MAML2: variants seen among roughly 807,000 people sequenced by gnomAD.
MAML2 encodes the protein mastermind like transcriptional coactivator 2, also known as mastermind-like protein 2.
Under a neutral mutation model 96.1 loss-of-function variants are expected in MAML2, and 22 were observed. The ratio of observed to expected loss-of-function variants is 0.23; its 90% CI spans 0.16 to 0.33. MAML2 has a LOEUF of 0.33. Among genes scored for constraint, MAML2 ranks in the 10% least tolerant of loss-of-function variants. The probability of loss-of-function intolerance (pLI) is 1.00; values close to 1 mark genes in which losing one functional copy is unlikely to be tolerated. For synonymous variants in MAML2, 561 were observed against 521.3 expected, an observed-to-expected ratio of 1.08 and a Z score of -1.04; for missense variants, 1,367 against 1,392.4, an observed-to-expected ratio of 0.98 and a Z score of 0.29.
chr11:96,092,386 T>C lies in MAML2; in HGVS notation c.1645A>G (p.Met549Val). ...TTGGTGTTGCCCTGACGGGGCTCCATGGCTGGGTGCGGGTTGTTAATAAAA... is the reference window on the plus strand; with the variant it reads ...TTGGTGTTGCCCTGACGGGGCTCCACGGCTGGGTGCGGGTTGTTAATAAAA... ...RSFINNPHPA[M>V]EPRQGNTKPL... Residue 549 changes from methionine (M) to valine (V), a missense_variant, in exon 2 of 5, where the codon ATG becomes GTG. Met to Val is a conservative substitution (Grantham distance 21, BLOSUM62 1). Transcript: ENST00000524717. The surrounding 1 kb of genome is among the most constrained non-coding windows in gnomAD (Gnocchi z 4.1). The C allele has an allele frequency of 6.2e-7, 1 of 1,613,996 alleles. No homozygotes were observed. Among genetic ancestry groups the C allele is most frequent in the Non-Finnish European group, 8.5e-7 (1 of 1,179,878 alleles).
At chr11:96,207,875 C>T (rs2135935963) in intron 1 of MAML2, among the ~76,000 whole-genome samples, 1 of 152,332 alleles carries the variant, frequency 6.6e-6, no homozygotes, top group East Asian at 1.9e-4. Context: ...AAATAGATGC[C>T]TCTCTGTTAC....
chr11:95,991,352 T>G (rs1441824618), intron 3 of MAML2, among the ~76,000 whole-genome samples, 168 bp downstream of exon 3: 3 of 13,044 alleles, frequency 2.3e-4, no homozygotes, highest in African/African-American at 4.9e-3. Flanking sequence ...AAGTTTGGGT[T>G]TTTTTTTCTT....
intron 1 of MAML2, among the ~76,000 whole-genome samples, chr11:96,226,821 A>C (rs1249341650): frequency 6.6e-6 from 1 of 152,212 alleles, no homozygotes; most frequent in Non-Finnish European, 1.5e-5. Flanking sequence ...CCATCTTAGA[A>C]ACTGTGATAC....
At chr11:96,210,595 CTCTT>C (rs374096296) in intron 1 of MAML2, among the ~76,000 whole-genome samples, 18 of 152,302 alleles carry the variant, frequency 1.2e-4, no homozygotes, top group African/African-American at 4.3e-4. Flanking sequence ...AAGTCAATCA[CTCTT>C]TCTAAGAATT....
intron 2 of MAML2, among the ~76,000 whole-genome samples, chr11:96,004,386 A>G (rs1034254430): frequency 6.6e-6 from 1 of 152,214 alleles, no homozygotes; most frequent in Non-Finnish European, 1.5e-5. Flanking sequence ...GAATAAAAAA[A>G]TTGATTTCCA....
chr11:96,216,232 A>T (rs1262300226), intron 1 of MAML2, among the ~76,000 whole-genome samples: 2 of 152,198 alleles, frequency 1.3e-5, no homozygotes, highest in Admixed American at 1.3e-4. Flanking sequence ...AACCAGGAAG[A>T]TCTTAGCCTA....
At chr11:96,068,047 T>C in intron 2 of MAML2, among the ~76,000 whole-genome samples, 1 of 152,122 alleles carries the variant, frequency 6.6e-6, no homozygotes, top group East Asian at 1.9e-4. Flanking sequence ...TTTTTAAAAA[T>C]CCCTCACCCA....
chr11:96,326,692 C>T (rs1054585627), intron 1 of MAML2, among the ~76,000 whole-genome samples: 5 of 151,278 alleles, frequency 3.3e-5, no homozygotes, highest in East Asian at 1.9e-4. Context: ...CCCAGCTACT[C>T]GGGAGGCTGA....
chr11:96,250,964 G>A (rs1862574403), intron 1 of MAML2, among the ~76,000 whole-genome samples: 1 of 152,144 alleles, frequency 6.6e-6, no homozygotes, highest in Admixed American at 6.6e-5. Context: ...GTATCCCTTA[G>A]GACATTGGCT....
At chr11:96,084,446 T>C (rs964381866) in intron 2 of MAML2, among the ~76,000 whole-genome samples, 1 of 152,126 alleles carries the variant, frequency 6.6e-6, no homozygotes, top group African/African-American at 2.4e-5. Context: ...ATATGTTTTA[T>C]CCAAGGGCAT....
chr11:96,217,600 T>C (rs1862069387), intron 1 of MAML2, among the ~76,000 whole-genome samples: 1 of 152,196 alleles, frequency 6.6e-6, no homozygotes, highest in South Asian at 2.1e-4. Flanking sequence ...TTTTTGACAG[T>C]AGAAAAGAAT....
intron 1 of MAML2, among the ~76,000 whole-genome samples, chr11:96,330,100 T>C (rs764323371): frequency 1.3e-5 from 2 of 152,192 alleles, no homozygotes; most frequent in Non-Finnish European, 2.9e-5. Context: ...ATAGCAAGAA[T>C]GCTTGAAATT....
chr11:96,040,099 T>C (rs1483267352), intron 2 of MAML2, among the ~76,000 whole-genome samples: 1 of 152,216 alleles, frequency 6.6e-6, no homozygotes, highest in Admixed American at 6.5e-5. Flanking sequence ...TGGCCTATTC[T>C]ATTCATGTTT....
chr11:96,141,032 T>G (rs1860722189), intron 1 of MAML2, among the ~76,000 whole-genome samples: 1 of 152,188 alleles, frequency 6.6e-6, no homozygotes, highest in South Asian at 2.1e-4. Context: ...TAAGTATGTC[T>G]CATGTAATAT....
intron 1 of MAML2, among the ~76,000 whole-genome samples, chr11:96,166,177 T>TCTCTCTCACACACACACACA (rs530578845): frequency 4.5e-5 from 5 of 110,384 alleles, no homozygotes; most frequent in South Asian, 6.5e-4. Context: ...TCTCTCTCTC[T>TCTCTCTCACACACACACACA]CACACACACA....
chr11:96,299,056 A>ATATATATATATATATATAT (rs1191083053), intron 1 of MAML2, among the ~76,000 whole-genome samples: 107 of 49,570 alleles, frequency 2.2e-3, no homozygotes, highest in Non-Finnish European at 3.1e-3. Context: ...AAAAAAAAAA[A>ATATATATATATATATATAT]AAAAATATAT....
chr11:96,192,534 A>T (rs1186559425), intron 1 of MAML2, among the ~76,000 whole-genome samples: 2 of 152,220 alleles, frequency 1.3e-5, no homozygotes, highest in Non-Finnish European at 2.9e-5. Flanking sequence ...AATGGAGGTG[A>T]TCTATGATGA....
chr11:96,192,568 T>A (rs1005918756), intron 1 of MAML2, among the ~76,000 whole-genome samples: 1 of 152,276 alleles, frequency 6.6e-6, no homozygotes, highest in Non-Finnish European at 1.5e-5. Flanking sequence ...TTTATAATCA[T>A]GTCCCTGTCT....
intron 1 of MAML2, among the ~76,000 whole-genome samples, chr11:96,330,277 GAGAA>G (rs1489125155): frequency 1.3e-5 from 2 of 152,180 alleles, no homozygotes; most frequent in Non-Finnish European, 2.9e-5. Context: ...AAGAGACAAA[GAGAA>G]AGCAGGAAAA....
Sources: allele counts gnomAD v4.1 joint callset (sites outside exome capture counted in the v4.1 genomes callset), GRCh38; gene constraint gnomAD v4.1.1; non-coding constraint Gnocchi (gnomAD v3.1); transcripts MANE v1.5; gene names NCBI Gene and HGNC (gene_info 2026-07-23, HGNC 2026-07-21).